Variants in CACNG2 observed in about 807,000 individuals in gnomAD.
CACNG2 encodes the protein calcium voltage-gated channel auxiliary subunit gamma 2, also known as voltage-dependent calcium channel gamma-2 subunit.
Under a neutral mutation model 25.9 loss-of-function variants are expected in CACNG2, and 3 were observed. The observed-to-expected ratio is 0.12, with a 90% CI of 0.05 to 0.30. The LOEUF is 0.30. Ranked by LOEUF, CACNG2 falls within the 10% of genes least tolerant of loss-of-function variation. CACNG2 has a pLI of 1.00. For synonymous variants in CACNG2, 167 were observed against 173.3 expected (o/e 0.96, Z 0.29); for missense variants, 341 against 432.5 (o/e 0.79, Z 1.88).
chr22:36,612,014 A>G (rs1428203444), intron 1 of CACNG2, among the ~76,000 whole-genome samples: 1 of 152,228 alleles, frequency 6.6e-6, no homozygotes, highest in Non-Finnish European at 1.5e-5. Flanking sequence ...AAGAGCATAA[A>G]TAATGTGGGT....
intron 1 of CACNG2, among the ~76,000 whole-genome samples, chr22:36,669,329 C>T (rs1320063247): frequency 6.6e-6 from 1 of 150,622 alleles, no homozygotes; most frequent in African/African-American, 2.5e-5. Context: ...CGGTGACACC[C>T]CATCTCTACT....
intron 1 of CACNG2, among the ~76,000 whole-genome samples, chr22:36,684,765 G>A (rs1034720972): frequency 1.3e-5 from 2 of 152,134 alleles, no homozygotes; most frequent in Non-Finnish European, 2.9e-5. Context: ...CACTGCTTGA[G>A]AAGCATATTT....
chr22:36,583,266 C>A (rs930160458), intron 2 of CACNG2, among the ~76,000 whole-genome samples: 1 of 152,032 alleles, frequency 6.6e-6, no homozygotes, highest in African/African-American at 2.4e-5. Context: ...AATCCCGTCT[C>A]TACTAAAAAT....
At chr22:36,596,420 G>A (rs1935679338) in intron 1 of CACNG2, among the ~76,000 whole-genome samples, 2 of 152,202 alleles carry the variant, frequency 1.3e-5, no homozygotes, top group South Asian at 4.1e-4. Flanking sequence ...CATCCTATGA[G>A]TTTGATCGTT....
At chr22:36,702,341 G>C (rs200548912) in intron 1 of CACNG2, 25 bp downstream of exon 1, 26 of 1,530,474 alleles carry the variant, frequency 1.7e-5, no homozygotes, top group Non-Finnish European at 2.3e-5. Context: ...GGTGGAGAGG[G>C]GGGAGGAGAT....
intron 2 of CACNG2, among the ~76,000 whole-genome samples, chr22:36,575,362 A>G (rs1935295566): frequency 6.6e-6 from 1 of 152,008 alleles, no homozygotes; most frequent in Non-Finnish European, 1.5e-5. Flanking sequence ...TAGACAAATC[A>G]TCTTGTGATC....
intron 1 of CACNG2, among the ~76,000 whole-genome samples, chr22:36,615,102 T>C (rs1024269329): frequency 2.6e-5 from 4 of 152,226 alleles, no homozygotes; most frequent in Admixed American, 6.5e-5. Flanking sequence ...CATCCAGGGC[T>C]TTGGCTTGCA....
intron 1 of CACNG2, among the ~76,000 whole-genome samples, chr22:36,645,536 CAAAAAAAA>C (rs200600420): frequency 1.5e-4 from 20 of 134,860 alleles, no homozygotes; most frequent in African/African-American, 5.2e-4. Flanking sequence ...GACTCTGTCT[CAAAAAAAA>C]AAAAAAAAAA....
chr22:36,618,461 G>C (rs561171232), intron 1 of CACNG2, among the ~76,000 whole-genome samples: 2 of 152,216 alleles, frequency 1.3e-5, no homozygotes, highest in Non-Finnish European at 2.9e-5. Context: ...CTGCCTTCCT[G>C]TTAGCCACCA....
At chr22:36,664,596 G>C (rs1936847687) in intron 1 of CACNG2, among the ~76,000 whole-genome samples, 1 of 152,172 alleles carries the variant, frequency 6.6e-6, no homozygotes, top group Non-Finnish European at 1.5e-5. Flanking sequence ...TGTGGACCTG[G>C]AATCTGAAGC....
At chr22:36,616,088 G>T (rs531994507) in intron 1 of CACNG2, among the ~76,000 whole-genome samples, 1 of 152,126 alleles carries the variant, frequency 6.6e-6, no homozygotes, top group Non-Finnish European at 1.5e-5. Flanking sequence ...TCCAGATCTC[G>T]TGTCCCTTGA....
At chr22:36,697,646 A>G (rs1937357228) in intron 1 of CACNG2, among the ~76,000 whole-genome samples, 1 of 152,214 alleles carries the variant, frequency 6.6e-6, no homozygotes, top group East Asian at 1.9e-4. Flanking sequence ...GGGTTTGGCT[A>G]ACACGGTGAG....
chr22:36,567,425 G>A (rs564287004), intron 2 of CACNG2, among the ~76,000 whole-genome samples: 183 of 152,242 alleles, frequency 1.2e-3, no homozygotes, highest in Middle Eastern at 3.4e-3. Context: ...ATAAATGTGG[G>A]GTCGTGGTCC....
chr22:36,561,042 C>G lies in CACNG2; in HGVS notation c.*3309G>C, dbSNP rs771320885. 2.0e-5 allele frequency: 3 copies of G among 152,050 alleles called. No homozygotes were observed. The highest frequency in any genetic ancestry group is 2.9e-5 in the Non-Finnish European group (2 of 68,066). The allele number at this position is 152,050 out of a possible 1,614,324, so 9.4% of individuals were successfully genotyped here. ...AGCTGGACATGAGCAATCATCCACA[C>G]CCCTGGGCAGCAACGCCCTTGCAGT... On this transcript the variant is annotated 3_prime_UTR_variant, in exon 4 of 4. Transcript: ENST00000300105.
chr22:36,699,514 G>A (rs184254960), intron 1 of CACNG2, among the ~76,000 whole-genome samples: 42 of 151,950 alleles, frequency 2.8e-4, no homozygotes, highest in African/African-American at 1.0e-3. Flanking sequence ...ATGAAAACCA[G>A]ACAGCAAAAG....
intron 1 of CACNG2, among the ~76,000 whole-genome samples, chr22:36,602,018 G>A (rs1209780048): frequency 6.6e-6 from 1 of 152,052 alleles, no homozygotes; most frequent in East Asian, 1.9e-4. Context: ...CTCTCCTAAC[G>A]GGTGAGAAGT....
intron 1 of CACNG2, among the ~76,000 whole-genome samples, chr22:36,597,585 C>A (rs901016951): frequency 3.3e-5 from 5 of 152,220 alleles, no homozygotes; most frequent in Non-Finnish European, 5.9e-5. Context: ...AGATACTCAA[C>A]AATGTAGGTC....
chr22:36,695,986 T>C (rs558335381), intron 1 of CACNG2, among the ~76,000 whole-genome samples: 3 of 152,350 alleles, frequency 2.0e-5, no homozygotes, highest in East Asian at 3.9e-4. Flanking sequence ...CCTATTGCGT[T>C]TGAATATGGG....
rs1936405094 is a variant in CACNG2 at position 36,639,212 on chromosome 22, T to TG, written c.212-51665dup. On this transcript the variant is annotated intron_variant, in intron 1 of 3. Coordinates refer to ENST00000300105, the MANE Select transcript of CACNG2 (RefSeq NM_006078.5). The stretch of plus-strand genomic sequence containing the variant: ...AGTGGAGCCAACAACACCCATCTTG[T>TG]GGGGCTGTTTTGATATGAAATTGAA... Among the ~76,000 whole-genome samples the TG allele has an allele frequency of 5.3e-5, 8 of 152,318 alleles. No individual in the cohort carries two copies. In the South Asian group the frequency reaches 1.7e-3, roughly 32 times the overall value.
Sources: gnomAD v4.1 joint callset for allele counts (sites outside exome capture counted in the v4.1 genomes callset) on GRCh38, gnomAD v4.1.1 for gene constraint, MANE v1.5 for transcripts, NCBI Gene and HGNC (gene_info 2026-07-23, HGNC 2026-07-21) for gene names.